Variants in COL19A1 observed in about 807,000 individuals in gnomAD.
COL19A1 encodes collagen alpha-1(XIX) chain.
A neutral mutation model predicts 190.2 loss-of-function variants in COL19A1; 159 were observed. That is an observed-to-expected ratio of 0.84 (90% confidence interval 0.73 to 0.95). The LOEUF (loss-of-function observed/expected upper bound fraction) is 0.95, where lower values mean the gene tolerates loss of function less well. COL19A1 is among the 40% of genes least tolerant of loss of function. The pLI, the probability that COL19A1 is intolerant of heterozygous loss-of-function variation, is 0.00. For synonymous variants in COL19A1, 509 were observed against 458.9 expected (o/e 1.11, Z -1.39); for missense variants, 1,418 against 1,431.9 (o/e 0.99, Z 0.16).
intron 9 of COL19A1, among the ~76,000 whole-genome samples, chr6:69,951,871 A>G (rs2150035706): frequency 6.6e-6 from 1 of 151,970 alleles, no homozygotes; most frequent in Non-Finnish European, 1.5e-5. Flanking sequence ...TAGAGTCAGG[A>G]TTTGAACCTC....
intron 21 of COL19A1, 40 bp from the exon 22 acceptor site, chr6:70,141,983 T>C: frequency 6.2e-7 from 1 of 1,611,640 alleles, no homozygotes; most frequent in Non-Finnish European, 8.5e-7. Flanking sequence ...ATTATGAAAA[T>C]TAAAGAAACA....
chr6:70,115,981 T>G (rs1784558070), intron 16 of COL19A1, among the ~76,000 whole-genome samples: 1 of 152,062 alleles, frequency 6.6e-6, no homozygotes, highest in South Asian at 2.1e-4. Flanking sequence ...AATTTCATTT[T>G]GAGTAAATAT....
At chr6:69,899,046 A>G in intron 3 of COL19A1, 24 bp downstream of exon 3, 1 of 1,499,630 alleles carries the variant, frequency 6.7e-7, no homozygotes, top group Non-Finnish European at 9.3e-7. Context: ...TCCTTTGCAA[A>G]GTAATATTTT....
At chr6:69,964,193 C>T (rs996297088) in intron 11 of COL19A1, among the ~76,000 whole-genome samples, 1 of 152,088 alleles carries the variant, frequency 6.6e-6, no homozygotes, top group Non-Finnish European at 1.5e-5. Context: ...AATTATAAGA[C>T]AAAGTACACA....
intron 11 of COL19A1, among the ~76,000 whole-genome samples, chr6:70,010,015 C>G (rs1392663288): frequency 6.6e-6 from 1 of 152,080 alleles, no homozygotes; most frequent in Non-Finnish European, 1.5e-5. Context: ...AGAATAAATA[C>G]TTTGTGACTT....
chr6:70,038,947 C>G (rs1779493201), intron 14 of COL19A1, among the ~76,000 whole-genome samples: 2 of 151,974 alleles, frequency 1.3e-5, no homozygotes, highest in African/African-American at 4.8e-5. Flanking sequence ...GTCTCAGCTA[C>G]TTGGGAGGCT....
chr6:70,078,941 C>T (rs1358876254), intron 15 of COL19A1, among the ~76,000 whole-genome samples: 3 of 152,072 alleles, frequency 2.0e-5, no homozygotes, highest in African/African-American at 2.4e-5. Flanking sequence ...GTGGTGTGCA[C>T]CTCTAATCTC....
At chr6:70,088,332 A>T (rs1398971261) in intron 15 of COL19A1, among the ~76,000 whole-genome samples, 3 of 152,040 alleles carry the variant, frequency 2.0e-5, no homozygotes, top group Non-Finnish European at 4.4e-5. Flanking sequence ...ACTTTTTCAG[A>T]TTCACTTAAT....
At chr6:70,195,569 A>G (rs1767146590) in intron 48 of COL19A1, among the ~76,000 whole-genome samples, 1 of 152,196 alleles carries the variant, frequency 6.6e-6, no homozygotes, top group African/African-American at 2.4e-5. Context: ...GAGGCAGACT[A>G]CTTACCCTTT....
intron 16 of COL19A1, 66 bp downstream of exon 16, chr6:70,102,288 G>T: frequency 8.3e-7 from 1 of 1,208,810 alleles, no homozygotes; most frequent in Non-Finnish European, 1.2e-6. Flanking sequence ...GTTTACCTAA[G>T]GATTATTTTA....
chr6:70,142,948 CAAAAACTGATCA>C, intron 23 of COL19A1, 128 bp downstream of exon 23: 1 of 786,560 alleles, frequency 1.3e-6, no homozygotes, highest in Non-Finnish European at 2.1e-6. Context: ...ATCTATGCCA[CAAAAACTGATCA>C]TACCTAATGT....
intron 2 of COL19A1, chr6:69,879,862 ATAT>A (rs1768401031): frequency 1.8e-6 from 1 of 556,198 alleles, no homozygotes; most frequent in African/African-American, 1.9e-5. Flanking sequence ...TACGCATAGT[ATAT>A]TAGTCTATGT....
intron 11 of COL19A1, among the ~76,000 whole-genome samples, chr6:70,000,023 C>G (rs1055202776): frequency 6.6e-6 from 1 of 152,118 alleles, no homozygotes; most frequent in Non-Finnish European, 1.5e-5. Context: ...CACCCTCCAT[C>G]CCTCAACAGC....
In COL19A1 at chr6:69,875,642, T is replaced by TG. The variant is rs936457704; in HGVS notation, c.-32-3890dup. ...GGGATAAGGAAGACAGAAGAATCAG[T>TG]GGGGTCCTTGGGTTTCTGGTTTGAT... On this transcript the variant is annotated intron_variant, in intron 1 of 50. Transcript: ENST00000620364. Among the ~76,000 whole-genome samples the TG allele has an allele frequency of 1.3e-5, 2 of 152,126 alleles. 1 individual carries two copies. The highest frequency in any genetic ancestry group is 4.8e-5 in the African/African-American group (2 of 41,426).
At chr6:70,067,579 A>T (rs1027730909) in intron 14 of COL19A1, among the ~76,000 whole-genome samples, 1 of 152,026 alleles carries the variant, frequency 6.6e-6, no homozygotes, top group Non-Finnish European at 1.5e-5. Flanking sequence ...CTCAGAGATA[A>T]ACTGGAGTTG....
At chr6:69,874,548 G>A (rs965850046) in intron 1 of COL19A1, among the ~76,000 whole-genome samples, 1 of 152,054 alleles carries the variant, frequency 6.6e-6, no homozygotes, top group Non-Finnish European at 1.5e-5. Context: ...TCAGGAGATC[G>A]AGACCATCCT....
At chr6:69,976,777 A>C (rs950628191) in intron 11 of COL19A1, among the ~76,000 whole-genome samples, 2 of 152,238 alleles carry the variant, frequency 1.3e-5, no homozygotes, top group African/African-American at 4.8e-5. Flanking sequence ...AGGACTTTTA[A>C]AAAATTCCTG....
intron 11 of COL19A1, among the ~76,000 whole-genome samples, chr6:69,976,910 C>T (rs1042076238): frequency 6.6e-6 from 1 of 152,164 alleles, no homozygotes; most frequent in Non-Finnish European, 1.5e-5. Flanking sequence ...GGAATACCAC[C>T]TGACCAAAAG....
chr6:70,189,119 T>TA (rs1328672723), intron 47 of COL19A1, among the ~76,000 whole-genome samples: 1 of 152,224 alleles, frequency 6.6e-6, no homozygotes, highest in Non-Finnish European at 1.5e-5. Context: ...CATCACTTTA[T>TA]AAGCCCATCA....
Sources: allele counts gnomAD v4.1 joint callset (sites outside exome capture counted in the v4.1 genomes callset), GRCh38; gene constraint gnomAD v4.1.1; transcripts MANE v1.5; gene names NCBI Gene and HGNC (gene_info 2026-07-23, HGNC 2026-07-21).